Variants in TXK observed in about 807,000 individuals in gnomAD.
TXK encodes the protein TXK tyrosine kinase, also known as tyrosine-protein kinase TXK.
In TXK, 60 loss-of-function variants were observed where a neutral mutation model predicts 81.0. The observed-to-expected ratio is 0.74, with a 90% CI of 0.60 to 0.92. TXK has a LOEUF of 0.92. Among genes scored for constraint, TXK ranks in the 40% least tolerant of loss-of-function variants. TXK has a pLI of 0.00. For synonymous variants in TXK, 203 were observed against 210.7 expected, an observed-to-expected ratio of 0.96 and a Z score of 0.32; for missense variants, 581 against 638.3, an observed-to-expected ratio of 0.91 and a Z score of 0.97.
intron 14 of TXK, among the ~76,000 whole-genome samples, chr4:48,068,248 C>T (rs1475807144): frequency 1.3e-5 from 2 of 152,082 alleles, no homozygotes; most frequent in Non-Finnish European, 2.9e-5. Flanking sequence ...TAGGACACCA[C>T]GACCCTAGAG....
chr4:48,092,248 T>C (rs1717805116), intron 8 of TXK, among the ~76,000 whole-genome samples: 2 of 152,118 alleles, frequency 1.3e-5, no homozygotes, highest in Non-Finnish European at 2.9e-5. Flanking sequence ...AGAAGAGTAG[T>C]GATCAGGGAC....
chr4:48,120,794 A>C (rs1718938419), intron 1 of TXK, among the ~76,000 whole-genome samples: 1 of 152,058 alleles, frequency 6.6e-6, no homozygotes, highest in South Asian at 2.1e-4. Context: ...CCGGCCCTAG[A>C]AATAAGGCTC....
chr4:48,099,985 C>CCATCCTGGCTAA, intron 6 of TXK, among the ~76,000 whole-genome samples: 1 of 151,086 alleles, frequency 6.6e-6, no homozygotes, highest in African/African-American at 2.4e-5. Context: ...GAGATCGAGA[C>CCATCCTGGCTAA]CACGGTGAAA....
At chr4:48,097,202 G>GA (rs1718014974) in intron 6 of TXK, among the ~76,000 whole-genome samples, 1 of 151,972 alleles carries the variant, frequency 6.6e-6, no homozygotes, top group South Asian at 2.1e-4. Flanking sequence ...AAATAATGGT[G>GA]AAAATCAATC....
Position 48,079,903 on chromosome 4 carries a change from C to A in TXK, c.1173+9G>T, listed in dbSNP as rs1717226814. On this transcript the variant is annotated intron_variant, in intron 11 of 14. Transcript: ENST00000264316. ...ACAAAAAAAAAAAGTAAATTTGCACCATACTTACCAAATCCCTATGAATAT... is the reference window on the plus strand; with the variant it reads ...ACAAAAAAAAAAAGTAAATTTGCACAATACTTACCAAATCCCTATGAATAT... 2.5e-6 allele frequency: 4 copies of A among 1,603,680 alleles called. No homozygotes were observed. The highest frequency in any genetic ancestry group is 3.4e-6 in the Non-Finnish European group (4 of 1,171,616).
chr4:48,104,372 T>A (rs1687811163), intron 6 of TXK, among the ~76,000 whole-genome samples: 1 of 1,156 alleles, frequency 8.7e-4, no homozygotes, highest in Non-Finnish European at 1.1e-3. Context: ...ATAATATATA[T>A]AATATATAAT....
At chr4:48,076,118 C>T (rs568514265) in intron 12 of TXK, among the ~76,000 whole-genome samples, 5 of 152,160 alleles carry the variant, frequency 3.3e-5, no homozygotes, top group African/African-American at 1.2e-4. Context: ...CTTTTTTCTT[C>T]ACGTTTCTCA....
At chr4:48,113,120 T>C in intron 3 of TXK, 87 bp downstream of exon 3, 1 of 862,646 alleles carries the variant, frequency 1.2e-6, no homozygotes, top group Admixed American at 2.1e-5. Context: ...GATACTAGAT[T>C]CTGGGCAACA....
intron 6 of TXK, among the ~76,000 whole-genome samples, chr4:48,096,894 T>C (rs1379415908): frequency 6.6e-6 from 1 of 152,090 alleles, no homozygotes; most frequent in African/African-American, 2.4e-5. Flanking sequence ...TAGAAAGTAA[T>C]AAGGAAACAT....
intron 14 of TXK, among the ~76,000 whole-genome samples, chr4:48,068,213 C>T (rs891181830): frequency 2.0e-4 from 31 of 152,214 alleles, no homozygotes; most frequent in African/African-American, 7.0e-4. Context: ...AGATATAGAA[C>T]GTTTCAGCAT....
chr4:48,095,333 C>T, intron 6 of TXK, 111 bp from the exon 7 acceptor site: 1 of 697,584 alleles, frequency 1.4e-6, no homozygotes, highest in East Asian at 2.7e-5. Flanking sequence ...AAGTGACCTG[C>T]TATATTATTA....
At chr4:48,107,597 T>C (rs186642926) in intron 5 of TXK, among the ~76,000 whole-genome samples, 1 of 152,156 alleles carries the variant, frequency 6.6e-6, no homozygotes, top group Non-Finnish European at 1.5e-5. Flanking sequence ...ATATTCAGGT[T>C]TGTTACATAG....
At chr4:48,096,518 C>T (rs907045674) in intron 6 of TXK, among the ~76,000 whole-genome samples, 9 of 151,988 alleles carry the variant, frequency 5.9e-5, no homozygotes, top group African/African-American at 2.2e-4. Flanking sequence ...TTTTCTTTCT[C>T]TTTCTTTCTT....
chr4:48,101,320 T>A (rs1373482379), intron 6 of TXK, among the ~76,000 whole-genome samples: 2 of 152,148 alleles, frequency 1.3e-5, no homozygotes, highest in African/African-American at 4.8e-5. Context: ...AAGCAGCATA[T>A]CTGGACTGTT....
At chr4:48,126,893 C>G (rs554157697) in intron 1 of TXK, among the ~76,000 whole-genome samples, 1 of 152,168 alleles carries the variant, frequency 6.6e-6, no homozygotes, top group Non-Finnish European at 1.5e-5. Flanking sequence ...GCTCCCTGAC[C>G]TCACAACACA....
intron 8 of TXK, among the ~76,000 whole-genome samples, chr4:48,092,962 C>T (rs1388308236): frequency 1.3e-5 from 2 of 152,216 alleles, no homozygotes; most frequent in Non-Finnish European, 2.9e-5. Flanking sequence ...GGAATGGATG[C>T]TCACCGTGAC....
intron 6 of TXK, among the ~76,000 whole-genome samples, chr4:48,096,402 A>G (rs1211155868): frequency 6.6e-6 from 1 of 152,238 alleles, no homozygotes; most frequent in Non-Finnish European, 1.5e-5. Context: ...TATAGAAACA[A>G]AGTAGAAAGG....
intron 3 of TXK, 99 bp downstream of exon 3, chr4:48,113,108 A>ACCTCT: frequency 4.2e-6 from 3 of 720,940 alleles, no homozygotes; most frequent in South Asian, 4.5e-5. Flanking sequence ...TATGCCAAGC[A>ACCTCT]GGATACTAGA....
At chr4:48,094,313 A>G in intron 7 of TXK, 109 bp from the exon 8 acceptor site, 2 of 1,240,538 alleles carry the variant, frequency 1.6e-6, no homozygotes, top group Non-Finnish European at 2.3e-6. Context: ...TAGCAACACT[A>G]CACTGAGAAG....
Sources: gnomAD v4.1 joint callset for allele counts (sites outside exome capture counted in the v4.1 genomes callset) on GRCh38, gnomAD v4.1.1 for gene constraint, MANE v1.5 for transcripts, NCBI Gene and HGNC (gene_info 2026-07-23, HGNC 2026-07-21) for gene names.